Variants in GAB4 observed in about 807,000 individuals in gnomAD.
The protein encoded by GAB4 is GRB2 associated binding protein family member 4.
A neutral mutation model predicts 51.3 loss-of-function variants in GAB4; 26 were observed. That is an observed-to-expected ratio of 0.51 (90% CI 0.37 to 0.70). The LOEUF is 0.70. Ranked by LOEUF, GAB4 falls within the 30% of genes least tolerant of loss-of-function variation. GAB4 has a pLI of 0.00. For synonymous variants in GAB4, 329 were observed against 291.2 expected (o/e 1.13, Z -1.32); for missense variants, 759 against 734.6 (o/e 1.03, Z -0.38).
chr22:16,977,323 G>A (rs1280126229), intron 3 of GAB4, among the ~76,000 whole-genome samples: 1 of 147,514 alleles, frequency 6.8e-6, no homozygotes, highest in African/African-American at 2.5e-5. Context: ...TAGGATGAAG[G>A]AAGATTTACC....
chr22:16,964,176 C>A (rs1024607329), intron 8 of GAB4, among the ~76,000 whole-genome samples: 1 of 152,158 alleles, frequency 6.6e-6, no homozygotes, highest in Non-Finnish European at 1.5e-5. Flanking sequence ...TGGCAGCTCT[C>A]CAGGAGACAC....
chr22:16,982,046 C>T (rs1412624180), intron 3 of GAB4, among the ~76,000 whole-genome samples: 1 of 152,106 alleles, frequency 6.6e-6, no homozygotes, highest in East Asian at 1.9e-4. Context: ...AACTGGGTAT[C>T]GAAGGAACAT....
At chr22:17,003,679 A>T (rs34432314) in intron 1 of GAB4, among the ~76,000 whole-genome samples, 1 of 152,232 alleles carries the variant, frequency 6.6e-6, no homozygotes, top group African/African-American at 2.4e-5. Flanking sequence ...CAGCTAAAGC[A>T]GTGTTTAGAG....
At chr22:16,965,392 C>T (rs1424878240) in intron 6 of GAB4, 124 bp from the exon 7 acceptor site, 8 of 717,342 alleles carry the variant, frequency 1.1e-5, no homozygotes, top group South Asian at 3.2e-5. Flanking sequence ...CAGCTGTGTG[C>T]GGGGGACTGA....
At chr22:16,979,572 T>C (rs1484977793) in intron 3 of GAB4, among the ~76,000 whole-genome samples, 3 of 152,198 alleles carry the variant, frequency 2.0e-5, no homozygotes. Context: ...AGAATCAATA[T>C]CGTGAAAATG....
chr22:17,001,877 T>G (rs1411005837), intron 1 of GAB4, among the ~76,000 whole-genome samples: 1 of 152,178 alleles, frequency 6.6e-6, no homozygotes. Flanking sequence ...TGCCCCTCCC[T>G]CAGCCTGGCT....
rs772747691 is a variant in GAB4 at position 16,968,352 on chromosome 22, T to C, written c.969A>G (p.Gly323=). ...ASSGKYTQHG[G]GNASRPAESM... is the part of the protein sequence containing the mutation. ...ACTCAGCAGGCCGGCTGGCATTCCCTCCACCATGCTGGGTGTACTTGCCGG... is the reference window on the plus strand; with the variant it reads ...ACTCAGCAGGCCGGCTGGCATTCCCCCCACCATGCTGGGTGTACTTGCCGG... The change falls in exon 5 of 10, where the codon GGA becomes GGG. Residue 323 remains glycine (G), a synonymous_variant. Coordinates refer to ENST00000400588, the MANE Select transcript of GAB4 (RefSeq NM_001037814.1). 1.9e-6 allele frequency: 3 copies of C among 1,613,986 alleles called. No individual in the cohort carries two copies. The South Asian group carries it at 3.3e-5, about 18-fold the overall frequency.
chr22:16,995,372 A>G (rs1362764949), intron 1 of GAB4, among the ~76,000 whole-genome samples: 7 of 152,194 alleles, frequency 4.6e-5, no homozygotes, highest in Non-Finnish European at 1.0e-4. Context: ...TTCTGCATCC[A>G]TGTTGTGTAT....
At chr22:16,989,982 C>T (rs551237261) in intron 2 of GAB4, among the ~76,000 whole-genome samples, 4 of 152,136 alleles carry the variant, frequency 2.6e-5, no homozygotes, top group East Asian at 1.9e-4. Flanking sequence ...CAGGTGTCCC[C>T]GATGCTCCAA....
At chr22:16,977,647 C>G (rs1467113408) in intron 3 of GAB4, among the ~76,000 whole-genome samples, 1 of 152,170 alleles carries the variant, frequency 6.6e-6, no homozygotes, top group Admixed American at 6.5e-5. Context: ...ATATTCAGGA[C>G]TGGAACTCAG....
intron 3 of GAB4, among the ~76,000 whole-genome samples, chr22:16,979,187 A>C (rs1417306284): frequency 2.0e-5 from 3 of 152,318 alleles, no homozygotes; most frequent in East Asian, 3.9e-4. Context: ...CAGGGCAATC[A>C]GTCAAGAGAA....
At chr22:17,000,954 T>C (rs1293865088) in intron 1 of GAB4, among the ~76,000 whole-genome samples, 1 of 152,358 alleles carries the variant, frequency 6.6e-6, no homozygotes, top group African/African-American at 2.4e-5. Context: ...TTTAAGAATG[T>C]TGAATATTGG....
intron 1 of GAB4, among the ~76,000 whole-genome samples, chr22:16,997,213 C>T (rs544997122): frequency 1.4e-4 from 21 of 152,326 alleles, no homozygotes; most frequent in South Asian, 1.2e-3. Flanking sequence ...CTTGAGGAGT[C>T]GCCACACTGT....
intron 6 of GAB4, 47 bp from the exon 7 acceptor site, chr22:16,965,315 C>T (rs2060663662): frequency 6.9e-7 from 1 of 1,445,378 alleles, no homozygotes; most frequent in South Asian, 1.2e-5. Context: ...TGACACCACA[C>T]CCATGTCCAC....
At position 17,002,769 on chromosome 22, in the gene GAB4, A is replaced by G. The variant is rs544886533; in HGVS notation, c.174+5172T>C. 5.3e-5 allele frequency among the ~76,000 whole-genome samples: 8 copies of G among 152,326 alleles called. No individual in the cohort carries two copies. The East Asian group carries it at 1.5e-3, about 29-fold the overall frequency. ...TGCAGCACACCAACATGGCACACGT[A>G]TACATATGTAACAGACCTGTACATT... On this transcript the variant is annotated intron_variant, in intron 1 of 9. Coordinates refer to ENST00000400588, the MANE Select transcript of GAB4 (RefSeq NM_001037814.1).
chr22:16,968,321 G>C lies in GAB4; in HGVS notation c.1000C>G (p.His334Asp). 4 of 1,613,788 alleles carry C rather than the reference G, an allele frequency of 2.5e-6. No individual in the cohort carries two copies. The highest frequency in any genetic ancestry group is 3.4e-6 in the Non-Finnish European group (4 of 1,179,700). The change falls in exon 5 of 10, where the codon CAT (histidine) becomes GAT (aspartate). Residue 334 changes from histidine (H) to aspartate (D), a missense_variant. This residue lies in a region of GAB4 where 588 missense variants were observed against 510.2 expected (regional missense o/e 1.15). Transcript: ENST00000400588. Reference sequence around the variant, plus strand: ...ACCAGGAAAGAACAGACTCCCTCATGCATGGACTCAGCAGGCCGGCTGGCA... The same window carrying C: ...ACCAGGAAAGAACAGACTCCCTCATCCATGGACTCAGCAGGCCGGCTGGCA... ...GNASRPAESM[H>D]EGVCSFLPGR...
chr22:16,966,545 C>T (rs905636860), intron 5 of GAB4, 181 bp from the exon 6 acceptor site: 65 of 655,966 alleles, frequency 9.9e-5, no homozygotes, highest in Non-Finnish European at 1.5e-4. Context: ...GTGCCCCAGC[C>T]AGGAACCCCA....
intron 3 of GAB4, among the ~76,000 whole-genome samples, chr22:16,978,595 G>C (rs192224733): frequency 5.3e-4 from 81 of 152,210 alleles, no homozygotes; most frequent in African/African-American, 1.7e-3. Context: ...CCGAATTCTA[G>C]CAGAGGCACA....
At chr22:16,964,982 A>G (rs2060660180) in intron 7 of GAB4, 120 bp from the exon 8 acceptor site, 1 of 794,972 alleles carries the variant, frequency 1.3e-6, no homozygotes, top group Admixed American at 2.7e-5. Flanking sequence ...TACCAGATCA[A>G]GAACTGATAG....
Sources: allele counts gnomAD v4.1 joint callset (sites outside exome capture counted in the v4.1 genomes callset), GRCh38; gene constraint gnomAD v4.1.1; regional missense constraint gnomAD v4.1.1; transcripts MANE v1.5; gene names NCBI Gene and HGNC (gene_info 2026-07-23, HGNC 2026-07-21).